The following NHSL1 variants were observed in gnomAD, a reference collection of about 807,000 sequenced individuals.
The protein encoded by NHSL1 is NHS-like protein 1.
NHSL1 carries 48 observed loss-of-function variants against 95.0 expected under a neutral mutation model. That is an observed-to-expected ratio of 0.51 (90% CI 0.40 to 0.64). The LOEUF is 0.64. NHSL1 is among the 30% of genes least tolerant of loss of function. NHSL1 has a pLI of 0.00. For synonymous variants in NHSL1, 783 were observed against 833.9 expected (o/e 0.94, Z 1.05); for missense variants, 1,971 against 2,077.7 (o/e 0.95, Z 1.00).
At chr6:138,675,816 G>C (rs2114773760) in intron 1 of NHSL1, among the ~76,000 whole-genome samples, 1 of 152,316 alleles carries the variant, frequency 6.6e-6, no homozygotes, top group African/African-American at 2.4e-5. Flanking sequence ...TTACAGGCAT[G>C]AGCCACCGCA....
At chr6:138,642,971 A>C (rs942034652) in intron 1 of NHSL1, among the ~76,000 whole-genome samples, 3 of 152,214 alleles carry the variant, frequency 2.0e-5, no homozygotes, top group Admixed American at 1.3e-4. Context: ...CTCATCAAAC[A>C]CAAGTGGTTA....
chr6:138,480,401 G>C (rs1017040138), intron 2 of NHSL1, among the ~76,000 whole-genome samples: 2 of 152,152 alleles, frequency 1.3e-5, no homozygotes, highest in Non-Finnish European at 2.9e-5. Flanking sequence ...ATCCATATAA[G>C]TGGACCCTCC....
intron 3 of NHSL1, among the ~76,000 whole-genome samples, chr6:138,467,245 C>T (rs968190354): frequency 6.6e-6 from 1 of 151,892 alleles, no homozygotes; most frequent in Admixed American, 6.6e-5. Flanking sequence ...CTCCGCCCCC[C>T]GGGTTCACGC....
At chr6:138,518,495 T>A (rs1210614261) in intron 1 of NHSL1, among the ~76,000 whole-genome samples, 3 of 142,408 alleles carry the variant, frequency 2.1e-5, no homozygotes, top group Non-Finnish European at 4.6e-5. Flanking sequence ...TTTTTTTTTT[T>A]AGAAAAACCC....
chr6:138,473,213 A>G (rs1045187562), intron 3 of NHSL1, 93 bp downstream of exon 3: 2 of 1,104,790 alleles, frequency 1.8e-6, no homozygotes, highest in Non-Finnish European at 2.4e-6. Flanking sequence ...ATTAAAATAC[A>G]GGCTCAATTT....
At chr6:138,595,864 C>T (rs1784296646) in intron 1 of NHSL1, among the ~76,000 whole-genome samples, 1 of 152,144 alleles carries the variant, frequency 6.6e-6, no homozygotes, top group South Asian at 2.1e-4. Flanking sequence ...ACCCTTGCAC[C>T]TATGTGCCAC....
intron 1 of NHSL1, among the ~76,000 whole-genome samples, chr6:138,542,866 C>G (rs1189204010): frequency 6.6e-6 from 1 of 152,156 alleles, no homozygotes; most frequent in Non-Finnish European, 1.5e-5. Context: ...TAGCCTCAAG[C>G]AATCCTCCTG....
chr6:138,599,755 C>A (rs886184349), intron 1 of NHSL1, among the ~76,000 whole-genome samples: 34 of 152,280 alleles, frequency 2.2e-4, no homozygotes, highest in African/African-American at 7.7e-4. Context: ...CTATAGAAGG[C>A]ATCAGAAAGT....
chr6:138,512,462 C>T, intron 1 of NHSL1: 1 of 323,468 alleles, frequency 3.1e-6, no homozygotes, highest in Non-Finnish European at 6.1e-6. Flanking sequence ...TAATACAATT[C>T]TAACTGCTCG....
At position 138,433,758 on chromosome 6, in the gene NHSL1, C is replaced by G. The variant is rs142103039; in HGVS notation, c.665-78G>C. On this transcript the variant is annotated intron_variant, in intron 5 of 7. Coordinates refer to ENST00000343505, the MANE Select transcript of NHSL1 (RefSeq NM_001144060.2). ...ATCACGTGTACCCTCACCCCTCTGA[C>G]AGAATTTTAAAAAAATTTTTCTATT... 375 of 1,378,726 alleles carry G rather than the reference C, an allele frequency of 2.7e-4. 1 individual carries two copies. In the African/African-American group the frequency reaches 5.1e-3, roughly 19 times the overall value. The allele number at this position is 1,378,726 out of a possible 1,614,324, so 85.4% of individuals were successfully genotyped here.
chr6:138,618,641 G>A (rs908985070), intron 1 of NHSL1, among the ~76,000 whole-genome samples: 3 of 152,020 alleles, frequency 2.0e-5, no homozygotes, highest in Non-Finnish European at 4.4e-5. Context: ...GAAGAGAAAG[G>A]TAGAAAAGGA....
chr6:138,586,101 CT>C (rs79450363), intron 1 of NHSL1, among the ~76,000 whole-genome samples: 8,688 of 140,116 alleles, frequency 0.062, 247 homozygotes, highest in Middle Eastern at 0.16. Context: ...GTGTCAAAAC[CT>C]TTTTTTTTTT....
At chr6:138,659,724 T>G (rs1257914078) in intron 1 of NHSL1, among the ~76,000 whole-genome samples, 4 of 150,496 alleles carry the variant, frequency 2.7e-5, no homozygotes, top group Non-Finnish European at 4.4e-5. Flanking sequence ...TTTTTTTGTT[T>G]TTTTTTTTTT....
At chr6:138,597,317 G>A (rs1784315339) in intron 1 of NHSL1, among the ~76,000 whole-genome samples, 1 of 152,140 alleles carries the variant, frequency 6.6e-6, no homozygotes, top group African/African-American at 2.4e-5. Flanking sequence ...AGAATTTACA[G>A]GAAATGATTT....
chr6:138,606,077 G>A (rs1784429412), intron 1 of NHSL1, among the ~76,000 whole-genome samples: 1 of 152,132 alleles, frequency 6.6e-6, no homozygotes, highest in South Asian at 2.1e-4. Context: ...TCACAAAACT[G>A]CAAAGTGCTT....
intron 1 of NHSL1, among the ~76,000 whole-genome samples, chr6:138,519,049 A>AATAAATAC (rs1781568585): frequency 6.6e-6 from 1 of 151,366 alleles, no homozygotes; most frequent in Non-Finnish European, 1.5e-5. Context: ...TAAATAAATA[A>AATAAATAC]ATACATACAT....
chr6:138,606,799 T>C (rs1784440322), intron 1 of NHSL1, among the ~76,000 whole-genome samples: 1 of 150,550 alleles, frequency 6.6e-6, no homozygotes, highest in Non-Finnish European at 1.5e-5. Flanking sequence ...GCCTCCCAGG[T>C]TCACGCCATT....
intron 1 of NHSL1, among the ~76,000 whole-genome samples, chr6:138,555,335 A>T (rs1783158304): frequency 6.6e-6 from 1 of 152,188 alleles, no homozygotes; most frequent in Non-Finnish European, 1.5e-5. Context: ...CATCTTTGTA[A>T]ACTCAGCTAT....
chr6:138,552,398 G>A (rs1196974778), intron 1 of NHSL1, among the ~76,000 whole-genome samples: 2 of 152,096 alleles, frequency 1.3e-5, no homozygotes, highest in South Asian at 2.1e-4. Context: ...CCAGCCTGGG[G>A]GACAAAGTGA....
Sources: gnomAD v4.1 joint callset for allele counts (sites outside exome capture counted in the v4.1 genomes callset) on GRCh38, gnomAD v4.1.1 for gene constraint, MANE v1.5 for transcripts, NCBI Gene and HGNC (gene_info 2026-07-23, HGNC 2026-07-21) for gene names.